Variants in CA1 observed in about 807,000 individuals in gnomAD.
The protein encoded by CA1 is carbonate dehydratase I.
A neutral mutation model predicts 28.8 loss-of-function variants in CA1; 27 were observed. The observed-to-expected ratio is 0.94, with a 90% confidence interval of 0.69 to 1.29. The LOEUF is 1.29. CA1 is among the 50% of genes most tolerant of loss of function. The pLI is 0.00. For missense variants in CA1, 335 were observed against 310.5 expected (o/e 1.08, Z -0.59); for synonymous variants, 121 against 108.8 (o/e 1.11, Z -0.70).
intron 1 of CA1, among the ~76,000 whole-genome samples, chr8:85,351,281 A>G (rs1809401279): frequency 1.3e-5 from 2 of 152,170 alleles, no homozygotes; most frequent in African/African-American, 4.8e-5. Flanking sequence ...TATTTTGGTT[A>G]ATGTTTTTAA....
At position 85,370,652 on chromosome 8, in the gene CA1, A is replaced by G. The variant is rs1461755624; in HGVS notation, c.-25+7394T>C. Among the ~76,000 whole-genome samples, 3 of 152,302 alleles carry G rather than the reference A, an allele frequency of 2.0e-5. No homozygotes were observed. In the East Asian group the frequency reaches 5.8e-4, roughly 29 times the overall value. ...AGAAAGTAATTTCAATTTTCTAAAAATGACAAGTGCTGTCAAAATGTATGA... is the reference window on the plus strand; with the variant it reads ...AGAAAGTAATTTCAATTTTCTAAAAGTGACAAGTGCTGTCAAAATGTATGA... On this transcript the variant is annotated intron_variant, in intron 1 of 7. Coordinates refer to ENST00000523022, the MANE Select transcript of CA1 (RefSeq NM_001128831.4).
chr8:85,328,292 A>C lies in CA1; in HGVS notation c.*268T>G, dbSNP rs995378253. 1 of 254,738 alleles carries C rather than the reference A, an allele frequency of 3.9e-6. No individual in the cohort carries two copies. The highest frequency in any genetic ancestry group is 7.4e-6 in the Non-Finnish European group (1 of 134,334). 15.8% of individuals were successfully genotyped at this position (254,738 alleles called of 1,614,324 possible). A position where few individuals can be genotyped will look rare whatever the true frequency, so the allele number is the denominator to read the frequency against. On this transcript the variant is annotated 3_prime_UTR_variant, in exon 8 of 8. Transcript: ENST00000523022. ...AAAAAAATAGACATACAAATCACTT[A>C]GTTGTAATTTTAAAGAATTCCTCAA...
chr8:85,377,925 A>C (rs542009087), intron 1 of CA1, 121 bp downstream of exon 1: 1 of 152,248 alleles, frequency 6.6e-6, no homozygotes, highest in South Asian at 2.1e-4. Flanking sequence ...GCTTTCATTC[A>C]TTGAATAGTA....
intron 1 of CA1, among the ~76,000 whole-genome samples, chr8:85,374,034 TA>T (rs2130413683): frequency 6.6e-6 from 1 of 152,302 alleles, no homozygotes; most frequent in African/African-American, 2.4e-5. Context: ...AACGTCAATG[TA>T]CTTAATGCCA....
chr8:85,341,704 A>AT, intron 1 of CA1, 45 bp from the exon 2 acceptor site: 1 of 1,015,148 alleles, frequency 9.9e-7, no homozygotes, highest in South Asian at 1.3e-5. Flanking sequence ...GCAACTGTGC[A>AT]TGCAGGAGAT....
chr8:85,373,232 G>A (rs544315358), intron 1 of CA1, among the ~76,000 whole-genome samples: 1 of 152,310 alleles, frequency 6.6e-6, no homozygotes, highest in Non-Finnish European at 1.5e-5. Flanking sequence ...TGGGTGGGTG[G>A]AAGACATGAA....
intron 1 of CA1, among the ~76,000 whole-genome samples, chr8:85,346,761 T>C (rs1247445058): frequency 1.3e-5 from 2 of 151,852 alleles, no homozygotes; most frequent in African/African-American, 4.8e-5. Flanking sequence ...AAACTCCGTC[T>C]CAAAATAAAT....
intron 4 of CA1, 92 bp from the exon 5 acceptor site, chr8:85,333,712 T>A: frequency 2.4e-6 from 2 of 824,354 alleles, no homozygotes; most frequent in Non-Finnish European, 4.0e-6. Context: ...TGATGATGTA[T>A]CTTGGCTTAG....
At chr8:85,344,052 T>G (rs1239634719) in intron 1 of CA1, among the ~76,000 whole-genome samples, 1 of 143,576 alleles carries the variant, frequency 7.0e-6, no homozygotes, top group African/African-American at 2.6e-5. Context: ...GAGTTTAATC[T>G]ACACAGACTC....
chr8:85,364,042 T>C (rs1489677690), intron 1 of CA1, among the ~76,000 whole-genome samples: 1 of 152,190 alleles, frequency 6.6e-6, no homozygotes, highest in African/African-American at 2.4e-5. Context: ...GGTCTCACCA[T>C]GTTGCCCAGG....
intron 7 of CA1, among the ~76,000 whole-genome samples, chr8:85,329,124 T>C (rs1808292111): frequency 6.6e-6 from 1 of 152,152 alleles, no homozygotes; most frequent in African/African-American, 2.4e-5. Flanking sequence ...GCTCAATAAA[T>C]GTCAGTTAGC....
At chr8:85,351,495 A>G (rs1809410830) in intron 1 of CA1, among the ~76,000 whole-genome samples, 1 of 152,242 alleles carries the variant, frequency 6.6e-6, no homozygotes, top group Admixed American at 6.5e-5. Flanking sequence ...CATGATGGAC[A>G]TGCCTTCTGT....
At chr8:85,360,471 C>G (rs890242314) in intron 1 of CA1, among the ~76,000 whole-genome samples, 1 of 152,126 alleles carries the variant, frequency 6.6e-6, no homozygotes, top group African/African-American at 2.4e-5. Context: ...GCAGGAGTAT[C>G]ACTTGAGCTC....
chr8:85,343,650 A>G (rs71522994), intron 1 of CA1, among the ~76,000 whole-genome samples: 3,520 of 152,036 alleles, frequency 0.023, 68 homozygotes, highest in Non-Finnish European at 0.035. Flanking sequence ...AAAAACAGCA[A>G]CCCCCTTTCA....
intron 1 of CA1, among the ~76,000 whole-genome samples, chr8:85,368,656 A>G (rs150067973): frequency 6.6e-6 from 1 of 152,128 alleles, no homozygotes; most frequent in East Asian, 1.9e-4. Flanking sequence ...ATAATTGTTC[A>G]AGATTGATTT....
chr8:85,366,200 A>T (rs1439637277), intron 1 of CA1, among the ~76,000 whole-genome samples: 5 of 132,422 alleles, frequency 3.8e-5, no homozygotes, highest in African/African-American at 5.8e-5. Context: ...TTTTGTAGAG[A>T]TGAGGTCCCA....
chr8:85,332,469 C>T lies in CA1; in HGVS notation c.513+21G>A, dbSNP rs373819788. 4.4e-6 allele frequency: 7 copies of T among 1,575,658 alleles called. No homozygotes were observed. The African/African-American group carries it at 8.1e-5, about 18-fold the overall frequency. The stretch of plus-strand genomic sequence containing the variant: ...GTAAATTCTTGTTCTCTGATTTAAA[C>T]TACTTATTTAGTGTGTTTACCTTGG... On this transcript the variant is annotated intron_variant, in intron 6 of 7. Coordinates refer to ENST00000523022, the MANE Select transcript of CA1 (RefSeq NM_001128831.4).
Position 85,338,371 on chromosome 8 carries a change from G to C in CA1, c.116C>G (p.Thr39Ser), listed in dbSNP as rs1226472927. The C allele has an allele frequency of 6.2e-7, 1 of 1,613,838 alleles. No homozygotes were observed. The highest frequency in any genetic ancestry group is 8.5e-7 in the Non-Finnish European group (1 of 1,179,818). ...QSPVDIKTSE[T>S]KHDTSLKPIS... ...AGGTTTCAGAGAGGTGTCATGTTTG[G>C]TTTCACTGGTTTTAATATCAACAGG... Residue 39 changes from threonine to serine, a missense_variant, in exon 3 of 8, where the codon ACC becomes AGC. Physicochemically the swap from Thr to Ser is moderately conservative, Grantham distance 58. Transcript: ENST00000523022.
chr8:85,341,433 C>G lies in CA1; in HGVS notation c.37+166G>C, dbSNP rs1333518880. 4 of 565,902 alleles carry G rather than the reference C, an allele frequency of 7.1e-6. No individual in the cohort carries two copies. In the East Asian group the frequency reaches 8.7e-5, roughly 12 times the overall value. 35.1% of individuals were successfully genotyped at this position (565,902 alleles called of 1,614,324 possible). A position where few individuals can be genotyped will look rare whatever the true frequency, so the allele number is the denominator to read the frequency against. The stretch of plus-strand genomic sequence containing the variant: ...AACATATTTTGTAGTCAGCCATGCC[C>G]CAAAAGACAATGCTAAGAATACATG... On this transcript the variant is annotated intron_variant, in intron 2 of 7. Coordinates refer to ENST00000523022, the MANE Select transcript of CA1 (RefSeq NM_001128831.4).
Sources: gnomAD v4.1 joint callset for allele counts (sites outside exome capture counted in the v4.1 genomes callset) on GRCh38, gnomAD v4.1.1 for gene constraint, MANE v1.5 for transcripts, NCBI Gene and HGNC (gene_info 2026-07-23, HGNC 2026-07-21) for gene names.